The following SMOC2 variants were observed in gnomAD, a reference collection of about 807,000 sequenced individuals.
SMOC2 encodes the protein SPARC-related modular calcium-binding protein 2.
A neutral mutation model predicts 61.4 loss-of-function variants in SMOC2; 39 were observed. The observed-to-expected ratio is 0.64, with a 90% CI of 0.49 to 0.83. The LOEUF is 0.83. SMOC2 is among the 40% of genes least tolerant of loss of function. The pLI is 0.00. For synonymous variants in SMOC2, 247 were observed against 239.9 expected, an observed-to-expected ratio of 1.03 and a Z score of -0.27; for missense variants, 556 against 592.9, an observed-to-expected ratio of 0.94 and a Z score of 0.65.
intron 1 of SMOC2, among the ~76,000 whole-genome samples, chr6:168,505,831 C>A (rs1383146236): frequency 6.6e-6 from 1 of 152,188 alleles, no homozygotes; most frequent in African/African-American, 2.4e-5. Flanking sequence ...CCCTCTCCCA[C>A]CTGTCCCCAG....
At position 168,667,542 on chromosome 6, in the gene SMOC2, A is replaced by T. The variant is rs1371289169; in HGVS notation, c.*1104A>T. 1 of 152,202 alleles carries T rather than the reference A, an allele frequency of 6.6e-6. No individual in the cohort carries two copies. Among genetic ancestry groups the T allele is most frequent in the Non-Finnish European group, 1.5e-5 (1 of 68,050 alleles). The allele number at this position is 152,202 out of a possible 1,614,324, so 9.4% of individuals were successfully genotyped here. On this transcript the variant is annotated 3_prime_UTR_variant, in exon 13 of 13. Transcript: ENST00000356284. Reference sequence around the variant, plus strand: ...AGTGGCACTGGCAGAGAAGGATAGGAGTGGAATGCCCACACAGTGACCAAC... The same window carrying T: ...AGTGGCACTGGCAGAGAAGGATAGGTGTGGAATGCCCACACAGTGACCAAC...
chr6:168,507,520 G>A (rs1014217291), intron 1 of SMOC2, among the ~76,000 whole-genome samples: 4 of 152,222 alleles, frequency 2.6e-5, no homozygotes, highest in Non-Finnish European at 2.9e-5. Flanking sequence ...TCCAAGCAGC[G>A]TCTCAGCGGG....
At chr6:168,660,306 C>T (rs778488928) in intron 11 of SMOC2, among the ~76,000 whole-genome samples, 8 of 152,126 alleles carry the variant, frequency 5.3e-5, no homozygotes, top group Non-Finnish European at 1.0e-4. Flanking sequence ...TGTTGTGAGC[C>T]GCATATCCTG....
intron 10 of SMOC2, among the ~76,000 whole-genome samples, chr6:168,651,985 G>A (rs547126018): frequency 2.7e-5 from 4 of 149,846 alleles, no homozygotes; most frequent in South Asian, 2.1e-4. Context: ...AGATTGCAGT[G>A]AGCCAAGACC....
At chr6:168,538,526 G>C (rs796551002) in intron 4 of SMOC2, among the ~76,000 whole-genome samples, 1 of 84,674 alleles carries the variant, frequency 1.2e-5, no homozygotes, top group African/African-American at 4.9e-5. Flanking sequence ...CTGCTGGAAT[G>C]TGGGGGAGTG....
At chr6:168,659,264 T>TA (rs1787411293) in intron 11 of SMOC2, among the ~76,000 whole-genome samples, 2 of 152,046 alleles carry the variant, frequency 1.3e-5, no homozygotes, top group African/African-American at 4.8e-5. Context: ...GATAATTTGT[T>TA]ACTCACAGAT....
chr6:168,651,944 G>A (rs1248074208), intron 10 of SMOC2, among the ~76,000 whole-genome samples: 1 of 151,692 alleles, frequency 6.6e-6, no homozygotes, highest in Non-Finnish European at 1.5e-5. Flanking sequence ...GGGAGGCTAA[G>A]GCAGGAGAAT....
At chr6:168,485,102 A>G (rs894080985) in intron 1 of SMOC2, among the ~76,000 whole-genome samples, 6 of 152,218 alleles carry the variant, frequency 3.9e-5, no homozygotes, top group Non-Finnish European at 8.8e-5. Flanking sequence ...GGTACATTTT[A>G]TGTTATATGT....
chr6:168,583,710 T>C (rs1222727020), intron 7 of SMOC2, among the ~76,000 whole-genome samples: 1 of 152,214 alleles, frequency 6.6e-6, no homozygotes. Flanking sequence ...CATGCTGAGT[T>C]CACAGGCTTG....
intron 2 of SMOC2, among the ~76,000 whole-genome samples, chr6:168,523,669 G>T (rs1320547562): frequency 1.3e-5 from 2 of 152,032 alleles, no homozygotes; most frequent in African/African-American, 2.4e-5. Context: ...AAAGTGCTGG[G>T]ATTACAGGCA....
At chr6:168,515,581 C>A (rs1236412145) in intron 2 of SMOC2, among the ~76,000 whole-genome samples, 1 of 9,898 alleles carries the variant, frequency 1.0e-4, no homozygotes, top group Non-Finnish European at 4.6e-4. Flanking sequence ...TGCATCCTGG[C>A]TCGTGGCGGA....
intron 11 of SMOC2, among the ~76,000 whole-genome samples, chr6:168,656,477 C>T (rs1436189419): frequency 1.5e-5 from 2 of 137,858 alleles, no homozygotes; most frequent in Non-Finnish European, 3.0e-5. Context: ...CACTGCACTC[C>T]AGCCTGGGTG....
Position 168,576,865 on chromosome 6 carries a change from T to A in SMOC2, c.638-21953T>A, listed in dbSNP as rs1446644094. ...TACATGCTTAAATTGAGCACTTTGC[T>A]CCTCAGTCACAGACATCTACACGCA... is the stretch of plus-strand genomic sequence containing the variant. On this transcript the variant is annotated intron_variant, in intron 7 of 12. Coordinates refer to ENST00000356284, the MANE Select transcript of SMOC2 (RefSeq NM_001166412.2). 2.0e-5 allele frequency among the ~76,000 whole-genome samples: 3 copies of A among 149,656 alleles called. No individual in the cohort carries two copies. In the East Asian group the frequency reaches 6.0e-4, roughly 30 times the overall value.
chr6:168,540,838 A>C (rs1187171178), intron 4 of SMOC2, among the ~76,000 whole-genome samples: 1 of 151,874 alleles, frequency 6.6e-6, no homozygotes, highest in Non-Finnish European at 1.5e-5. Flanking sequence ...GGTGAGCCGC[A>C]GGCTTGTTTA....
At chr6:168,564,117 T>G (rs1183872937) in intron 7 of SMOC2, among the ~76,000 whole-genome samples, 1 of 152,240 alleles carries the variant, frequency 6.6e-6, no homozygotes, top group Non-Finnish European at 1.5e-5. Flanking sequence ...TATTTTAATT[T>G]TTCCCAAATT....
chr6:168,518,324 T>C (rs1005493368), intron 2 of SMOC2, among the ~76,000 whole-genome samples: 2 of 151,904 alleles, frequency 1.3e-5, no homozygotes, highest in African/African-American at 2.4e-5. Flanking sequence ...TTCTGTTGCA[T>C]GTGTGTATGC....
At chr6:168,649,023 T>G (rs1215974350) in intron 9 of SMOC2, among the ~76,000 whole-genome samples, 2 of 152,188 alleles carry the variant, frequency 1.3e-5, no homozygotes, top group East Asian at 3.9e-4. Context: ...GAGAATCACG[T>G]GTGGCACTGC....
chr6:168,486,043 T>C, intron 1 of SMOC2, among the ~76,000 whole-genome samples: 1 of 152,328 alleles, frequency 6.6e-6, no homozygotes. Context: ...TTTTGCATCG[T>C]TGTGTACCGT....
chr6:168,599,911 ACT>A (rs1403059490), intron 8 of SMOC2, among the ~76,000 whole-genome samples: 1 of 133,682 alleles, frequency 7.5e-6, no homozygotes, highest in Non-Finnish European at 1.6e-5. Flanking sequence ...ACACTCCCAC[ACT>A]CACACACTCC....
Sources: allele counts gnomAD v4.1 joint callset (sites outside exome capture counted in the v4.1 genomes callset), GRCh38; gene constraint gnomAD v4.1.1; transcripts MANE v1.5; gene names NCBI Gene and HGNC (gene_info 2026-07-23, HGNC 2026-07-21).